DPP10: variants seen among roughly 807,000 people sequenced by gnomAD.
DPP10 encodes the protein dipeptidyl peptidase like 10, also known as inactive dipeptidyl peptidase 10.
In DPP10, 33 loss-of-function variants were observed where a neutral mutation model predicts 120.9. That is an observed-to-expected ratio of 0.27 (90% CI 0.21 to 0.37). DPP10 has a LOEUF of 0.37. DPP10 is among the 10% of genes least tolerant of loss of function. The pLI is 1.00. For missense variants in DPP10, 816 were observed against 942.8 expected (o/e 0.87, Z 1.76); for synonymous variants, 337 against 326.1 (o/e 1.03, Z -0.36).
At chr2:115,402,854 A>AAAAAAATAT (rs1476901026) in intron 3 of DPP10, among the ~76,000 whole-genome samples, 2 of 97,640 alleles carry the variant, frequency 2.0e-5, no homozygotes, top group Non-Finnish European at 1.9e-5. Context: ...AAAAAAAAAA[A>AAAAAAATAT]ATATATATAT....
chr2:115,708,860 C>T (rs2092221552), intron 7 of DPP10, among the ~76,000 whole-genome samples: 1 of 151,916 alleles, frequency 6.6e-6, no homozygotes, highest in Admixed American at 6.6e-5. Flanking sequence ...AATACTACAC[C>T]TGGATATGAT....
At chr2:114,705,778 T>A (rs931093156) in intron 1 of DPP10, among the ~76,000 whole-genome samples, 5 of 152,210 alleles carry the variant, frequency 3.3e-5, no homozygotes, top group African/African-American at 1.2e-4. Context: ...ATATCCAGTA[T>A]AAGCAGACTT....
At chr2:115,384,557 A>T (rs1328176986) in intron 3 of DPP10, among the ~76,000 whole-genome samples, 1 of 67,660 alleles carries the variant, frequency 1.5e-5, no homozygotes, top group Non-Finnish European at 3.5e-5. Flanking sequence ...GAAGAAGAAG[A>T]GGAAGAAGAA....
intron 1 of DPP10, among the ~76,000 whole-genome samples, chr2:114,603,268 C>G (rs375555401): frequency 2.0e-5 from 3 of 151,500 alleles, no homozygotes; most frequent in African/African-American, 4.9e-5. Context: ...AATTTTCATA[C>G]GAAAAAAATG....
intron 11 of DPP10, among the ~76,000 whole-genome samples, chr2:115,759,432 A>G (rs1248236878): frequency 6.6e-6 from 1 of 151,858 alleles, no homozygotes; most frequent in Non-Finnish European, 1.5e-5. Flanking sequence ...ACTTCATTAG[A>G]CATTAGCAAA....
In DPP10 at chr2:115,031,910, T is replaced by C. The variant is rs546968438; in HGVS notation, c.61-277329T>C. ...CACAGACCACTCATCCTATATATAA[T>C]ATACTACGACAATAATAGGTGTTGT... On this transcript the variant is annotated intron_variant, in intron 1 of 25. Coordinates refer to ENST00000410059, the MANE Select transcript of DPP10 (RefSeq NM_020868.6). 2.0e-5 allele frequency among the ~76,000 whole-genome samples: 3 copies of C among 152,276 alleles called. No individual in the cohort carries two copies. The East Asian group carries it at 5.8e-4, about 29-fold the overall frequency.
chr2:114,665,295 A>G (rs1009861582), intron 1 of DPP10, among the ~76,000 whole-genome samples: 1 of 152,178 alleles, frequency 6.6e-6, no homozygotes, highest in African/African-American at 2.4e-5. Context: ...CTACCTGCCT[A>G]ACAGCCTGGC....
intron 13 of DPP10, among the ~76,000 whole-genome samples, chr2:115,770,258 A>AT (rs1005636145): frequency 2.6e-5 from 4 of 151,996 alleles, no homozygotes; most frequent in African/African-American, 9.7e-5. Context: ...CAAACCAAGA[A>AT]TTTTTTTATA....
chr2:114,952,289 A>G (rs1697850417), intron 1 of DPP10, among the ~76,000 whole-genome samples: 1 of 152,190 alleles, frequency 6.6e-6, no homozygotes, highest in Non-Finnish European at 1.5e-5. Context: ...AAATACATTT[A>G]CATAAAATGT....
chr2:114,521,491 T>C (rs1415468665), intron 1 of DPP10, among the ~76,000 whole-genome samples: 1 of 152,110 alleles, frequency 6.6e-6, no homozygotes, highest in Non-Finnish European at 1.5e-5. Flanking sequence ...TACAATATTA[T>C]AGATATGGAA....
chr2:114,834,764 G>GTATATATAAGCCATGTCTGCA, intron 1 of DPP10, among the ~76,000 whole-genome samples: 1 of 33,158 alleles, frequency 3.0e-5, no homozygotes, highest in South Asian at 2.1e-3. Flanking sequence ...CCATGTCTAC[G>GTATATATAAGCCATGTCTGCA]CACCTATGTA....
intron 1 of DPP10, among the ~76,000 whole-genome samples, chr2:114,681,544 T>A (rs536735700): frequency 6.6e-6 from 1 of 152,192 alleles, no homozygotes; most frequent in South Asian, 2.1e-4. Context: ...TCATTACAAC[T>A]GTATTCCTGA....
chr2:114,837,037 C>CGG (rs1558794900), intron 1 of DPP10, among the ~76,000 whole-genome samples: 1 of 152,152 alleles, frequency 6.6e-6, no homozygotes, highest in African/African-American at 2.4e-5. Context: ...TTCAAACACA[C>CGG]ATGCTCTAAA....
At chr2:114,589,355 G>A (rs772775078) in intron 1 of DPP10, among the ~76,000 whole-genome samples, 12 of 152,270 alleles carry the variant, frequency 7.9e-5, no homozygotes, top group East Asian at 5.8e-4. Context: ...AAAATATCAC[G>A]TGGTTTCTCT....
chr2:115,777,106 A>G, intron 13 of DPP10, 102 bp from the exon 14 acceptor site: 1 of 970,742 alleles, frequency 1.0e-6, no homozygotes, highest in Non-Finnish European at 1.6e-6. Flanking sequence ...GTTAACTGAG[A>G]ATTAGAGAAT....
In DPP10 at chr2:114,641,960, T is replaced by G. The variant is rs148553122; in HGVS notation, c.60+199122T>G. Among the ~76,000 whole-genome samples the G allele has an allele frequency of 2.1e-3, 313 of 151,978 alleles. 6 individuals carry two copies. Among genetic ancestry groups the G allele is most frequent in the African/African-American group, 7.2e-3 (298 of 41,268 alleles). On this transcript the variant is annotated intron_variant, in intron 1 of 25. Transcript: ENST00000410059. ...TACACTTTTTCACTTTTAAAAAAAA[T>G]CACTCAATGCATCATTCTTTAATGT...
chr2:115,612,264 T>C (rs1043911324), intron 5 of DPP10, among the ~76,000 whole-genome samples: 1 of 152,140 alleles, frequency 6.6e-6, no homozygotes, highest in African/African-American at 2.4e-5. Flanking sequence ...CTATGAGCAT[T>C]TGGTGGCTAT....
chr2:115,066,231 C>T (rs929424525), intron 1 of DPP10, among the ~76,000 whole-genome samples: 10 of 152,012 alleles, frequency 6.6e-5, no homozygotes, highest in Non-Finnish European at 7.4e-5. Flanking sequence ...GTTATAGATA[C>T]GTATATTATT....
chr2:115,687,325 T>G, intron 5 of DPP10, among the ~76,000 whole-genome samples: 1 of 152,054 alleles, frequency 6.6e-6, no homozygotes, highest in East Asian at 1.9e-4. Context: ...TTTTTCTTAT[T>G]GAAAGTTAAA....
Sources: allele counts gnomAD v4.1 joint callset (sites outside exome capture counted in the v4.1 genomes callset), GRCh38; gene constraint gnomAD v4.1.1; transcripts MANE v1.5; gene names NCBI Gene and HGNC (gene_info 2026-07-23, HGNC 2026-07-21).